NFXL1: variants seen among roughly 807,000 people sequenced by gnomAD.
NFXL1 encodes the protein NF-X1-type zinc finger protein NFXL1.
NFXL1 carries 66 observed loss-of-function variants against 123.3 expected under a neutral mutation model. That is an observed-to-expected ratio of 0.54 (90% CI 0.44 to 0.66). The LOEUF (loss-of-function observed/expected upper bound fraction) is 0.66. Among genes scored for constraint, NFXL1 ranks in the 30% least tolerant of loss-of-function variants. The probability of loss-of-function intolerance (pLI) is 0.00; values close to 1 mark genes in which losing one functional copy is unlikely to be tolerated. For missense variants in NFXL1, 944 were observed against 1,125.6 expected, an observed-to-expected ratio of 0.84 and a Z score of 2.31; for synonymous variants, 346 against 360.8, an observed-to-expected ratio of 0.96 and a Z score of 0.46.
intron 3 of NFXL1, 140 bp downstream of exon 3, chr4:47,910,684 G>A: frequency 4.5e-6 from 2 of 447,918 alleles, no homozygotes; most frequent in African/African-American, 2.0e-5. Context: ...ATACCAAAGT[G>A]TACAAAAATT....
intron 3 of NFXL1, among the ~76,000 whole-genome samples, chr4:47,908,926 G>A (rs28395298): frequency 0.38 from 52,483 of 139,774 alleles, 10,071 homozygotes; most frequent in East Asian, 0.59. Flanking sequence ...CTGCACTCCA[G>A]CCTGGGCGAC....
At chr4:47,906,817 A>T (rs1696187445) in intron 3 of NFXL1, among the ~76,000 whole-genome samples, 1 of 152,244 alleles carries the variant, frequency 6.6e-6, no homozygotes, top group Non-Finnish European at 1.5e-5. Context: ...CTGCATCAAT[A>T]AAATGTACTG....
Position 47,888,493 on chromosome 4 carries a change from G to C in NFXL1, c.1543+2120C>G, listed in dbSNP as rs1218353385. Among the ~76,000 whole-genome samples, 5 of 151,252 alleles carry C rather than the reference G, an allele frequency of 3.3e-5. No homozygotes were observed. In the East Asian group the frequency reaches 1.0e-3, roughly 30 times the overall value. Reference sequence around the variant, plus strand: ...CATCTTCCACATACTTTACATCAAGGAAAATTTTGTTGTGACTAATAAGCT... The same window carrying C: ...CATCTTCCACATACTTTACATCAAGCAAAATTTTGTTGTGACTAATAAGCT... On this transcript the variant is annotated intron_variant, in intron 12 of 22. Transcript: ENST00000507489.
At chr4:47,893,764 G>GT (rs1736916297) in intron 11 of NFXL1, among the ~76,000 whole-genome samples, 1 of 151,816 alleles carries the variant, frequency 6.6e-6, no homozygotes, top group African/African-American at 2.4e-5. Context: ...AAGCACCTAA[G>GT]TAAGTATGAT....
chr4:47,899,073 T>C lies in NFXL1; in HGVS notation c.874A>G (p.Lys292Glu). The C allele has an allele frequency of 6.2e-7, 1 of 1,610,298 alleles. No homozygotes were observed. The highest frequency in any genetic ancestry group is 2.2e-5 in the East Asian group (1 of 44,660). The change falls in exon 7 of 23, where the codon AAG becomes GAG. Residue 292 changes from lysine to glutamate, a missense_variant. Coordinates refer to ENST00000507489, the MANE Select transcript of NFXL1 (RefSeq NM_001278624.2). ...PKMVTTTCYC[K>E]KAKPIPRRCS... ...CTACGAGGGATAGGTTTTGCTTTCT[T>C]ACAGTAACAAGTAGTTGTGACCATC...
At chr4:47,849,939 A>C (rs1734022670) in intron 22 of NFXL1, among the ~76,000 whole-genome samples, 1 of 146,930 alleles carries the variant, frequency 6.8e-6, no homozygotes, top group South Asian at 2.2e-4. Flanking sequence ...GTATTTTAAA[A>C]TGCGTATTAT....
At chr4:47,881,923 T>C (rs1312779954) in intron 15 of NFXL1, among the ~76,000 whole-genome samples, 1 of 152,174 alleles carries the variant, frequency 6.6e-6, no homozygotes, top group Non-Finnish European at 1.5e-5. Context: ...AGGGCATTTT[T>C]AGGGCAGTGA....
At chr4:47,910,079 C>T (rs1271607679) in intron 3 of NFXL1, among the ~76,000 whole-genome samples, 1 of 152,176 alleles carries the variant, frequency 6.6e-6, no homozygotes, top group Non-Finnish European at 1.5e-5. Flanking sequence ...ACAGCAACAT[C>T]ACTTTGGCCC....
At position 47,899,422 on chromosome 4, in the gene NFXL1, C is replaced by T. The variant is rs981189261; in HGVS notation, c.774G>A (p.Glu258=). 1 of 1,613,954 alleles carries T rather than the reference C, an allele frequency of 6.2e-7. No homozygotes were observed. Among genetic ancestry groups the T allele is most frequent in the Non-Finnish European group, 8.5e-7 (1 of 1,179,910 alleles). Residue 258 remains glutamate, a synonymous_variant, in exon 6 of 23, where the codon GAG becomes GAA. Transcript: ENST00000507489. Reference sequence around the variant, plus strand: ...GGCCACAAGGAGGTTTAAATTCACGCTCACATACTTGGCCACATGAATGAG... The same window carrying T: ...GGCCACAAGGAGGTTTAAATTCACGTTCACATACTTGGCCACATGAATGAG... ...LVPHSCGQVC[E]REFKPPCGHK...
intron 19 of NFXL1, among the ~76,000 whole-genome samples, chr4:47,856,882 G>A (rs1734443170): frequency 6.6e-6 from 1 of 152,130 alleles, no homozygotes; most frequent in Admixed American, 6.5e-5. Context: ...CACAGTGGTT[G>A]TTTCAAGCCT....
At chr4:47,855,745 C>A (rs1734374560) in intron 19 of NFXL1, among the ~76,000 whole-genome samples, 1 of 152,222 alleles carries the variant, frequency 6.6e-6, no homozygotes. Flanking sequence ...TATTCTACAA[C>A]ATTTACCCTT....
Position 47,899,024 on chromosome 4 carries a change from C to T in NFXL1, c.923G>A (p.Cys308Tyr). 6.2e-7 allele frequency: 1 copy of T among 1,613,080 alleles called. No homozygotes were observed. Among genetic ancestry groups the T allele is most frequent in the Non-Finnish European group, 8.5e-7 (1 of 1,179,930 alleles). Residue 308 changes from cysteine (C) to tyrosine (Y), a missense_variant, in exon 7 of 23, where the codon TGT becomes TAT. Cys to Tyr is a radical substitution (Grantham distance 194). Coordinates refer to ENST00000507489, the MANE Select transcript of NFXL1 (RefSeq NM_001278624.2). ...CAACTTCTGTCCACATGGCAGCTGA[C>T]AAGACCATTCCTTGGCACTGCACCT... ...PRRCSAKEWSCQLPCGQKLLC... is the reference protein window; with the variant it reads ...PRRCSAKEWSYQLPCGQKLLC...
intron 20 of NFXL1, 197 bp from the exon 21 acceptor site, chr4:47,852,139 AAG>A: frequency 4.4e-6 from 2 of 459,350 alleles, no homozygotes; most frequent in East Asian, 3.5e-5. Flanking sequence ...TAACTTAAAA[AAG>A]AGAATACCAT....
intron 9 of NFXL1, among the ~76,000 whole-genome samples, chr4:47,897,325 A>G (rs988841800): frequency 1.3e-5 from 2 of 152,158 alleles, no homozygotes; most frequent in African/African-American, 4.8e-5. Context: ...AAAAACTGTA[A>G]CAACTACAAA....
chr4:47,914,508 A>G lies in NFXL1; in HGVS notation c.-146T>C, dbSNP rs906755600. On this transcript the variant is annotated 5_prime_UTR_variant, in exon 1 of 23. Coordinates refer to ENST00000507489, the MANE Select transcript of NFXL1 (RefSeq NM_001278624.2). ...GAGGAGAAGTCGAAACCGCCTCCTC[A>G]GCCTCTGCGGGAGCGTGGTAGGGGA... 1 of 329,254 alleles carries G rather than the reference A, an allele frequency of 3.0e-6. No individual in the cohort carries two copies. Among genetic ancestry groups the G allele is most frequent in the Non-Finnish European group, 5.6e-6 (1 of 179,014 alleles). The allele number at this position is 329,254 out of a possible 1,614,324, so 20.4% of individuals were successfully genotyped here.
In NFXL1 at chr4:47,885,904, G is replaced by T. The variant is rs1390489262; in HGVS notation, c.1639C>A (p.Pro547Thr). Residue 547 changes from proline to threonine, a missense_variant, in exon 13 of 23, where the codon CCA (proline) becomes ACA (threonine). By Grantham distance (38) the Pro-to-Thr change is conservative. Transcript: ENST00000507489. ...VPCGRERTTR[P>T]PKCKEQCSRP... is the part of the protein sequence containing the mutation. ...CTGCATTGCTCCTTGCACTTGGGTG[G>T]TCTTGTGGTACGTTCTCGGCCACAG... 2 of 1,613,764 alleles carry T rather than the reference G, an allele frequency of 1.2e-6. No individual in the cohort carries two copies. The highest frequency in any genetic ancestry group is 1.7e-6 in the Non-Finnish European group (2 of 1,179,864).
rs751474556 is a variant in NFXL1, at chr4:47,898,027, C to T, written c.1144G>A (p.Val382Ile). ...CGAGGACATTCTCCACAAGCACCAACATGGCAAACTTGCTCACATGTGTGA... is the reference window on the plus strand; with the variant it reads ...CGAGGACATTCTCCACAAGCACCAATATGGCAAACTTGCTCACATGTGTGA... ...GNHTCEQVCHVGACGECPRSG... is the reference protein window; with the variant it reads ...GNHTCEQVCHIGACGECPRSG... The change falls in exon 9 of 23, where the codon GTT (valine) becomes ATT (isoleucine). Residue 382 changes from valine to isoleucine, a missense_variant. Physicochemically the swap from Val to Ile is conservative, Grantham distance 29. Transcript: ENST00000507489. The T allele has an allele frequency of 3.0e-5, 48 of 1,612,646 alleles. 1 individual carries two copies. In the South Asian group the frequency reaches 5.2e-4, roughly 17 times the overall value.
intron 3 of NFXL1, among the ~76,000 whole-genome samples, chr4:47,907,879 A>G (rs1302734556): frequency 6.6e-6 from 1 of 152,190 alleles, no homozygotes; most frequent in Non-Finnish European, 1.5e-5. Flanking sequence ...TATTTTCTAT[A>G]AGGTCCTTCA....
intron 2 of NFXL1, among the ~76,000 whole-genome samples, chr4:47,912,362 TAA>T (rs1231031008): frequency 6.6e-6 from 1 of 152,116 alleles, no homozygotes; most frequent in East Asian, 1.9e-4. Context: ...CATCTCAAAG[TAA>T]AGAGAAGCTG....
Sources: gnomAD v4.1 joint callset for allele counts (sites outside exome capture counted in the v4.1 genomes callset) on GRCh38, gnomAD v4.1.1 for gene constraint, MANE v1.5 for transcripts, NCBI Gene and HGNC (gene_info 2026-07-23, HGNC 2026-07-21) for gene names.